The following KCNB2 variants were observed in gnomAD, a reference collection of about 807,000 sequenced individuals.
KCNB2 encodes delayed rectifier potassium channel protein.
In KCNB2, 15 loss-of-function variants were observed where a neutral mutation model predicts 61.5. The ratio of observed to expected loss-of-function variants is 0.24; its 90% CI spans 0.16 to 0.38. The LOEUF is 0.38. Ranked by LOEUF, KCNB2 falls within the 10% of genes least tolerant of loss-of-function variation. The pLI, the probability that KCNB2 is intolerant of heterozygous loss-of-function variation, is 1.00. For missense variants in KCNB2, 828 were observed against 1,125.2 expected (o/e 0.74, Z 3.78); for synonymous variants, 457 against 446.0 (o/e 1.02, Z -0.31).
chr8:72,841,602 A>G (rs1809888645), intron 2 of KCNB2, among the ~76,000 whole-genome samples: 1 of 151,864 alleles, frequency 6.6e-6, no homozygotes, highest in Non-Finnish European at 1.5e-5. Flanking sequence ...GTCCTCTCTT[A>G]TTTCCTTGGG....
At chr8:72,553,842 T>G (rs545934819) in intron 1 of KCNB2, among the ~76,000 whole-genome samples, 1 of 152,282 alleles carries the variant, frequency 6.6e-6, no homozygotes, top group South Asian at 2.1e-4. Context: ...TTGCAGGCAT[T>G]TTATAACATT....
At chr8:72,902,318 G>T (rs188584907) in intron 2 of KCNB2, among the ~76,000 whole-genome samples, 127 of 152,282 alleles carry the variant, frequency 8.3e-4, no homozygotes, top group Non-Finnish European at 1.6e-3. Flanking sequence ...AAAGATAGGT[G>T]TTGTGGATGG....
At chr8:72,597,546 AT>A (rs1807219390) in intron 2 of KCNB2, among the ~76,000 whole-genome samples, 1 of 152,212 alleles carries the variant, frequency 6.6e-6, no homozygotes, top group Admixed American at 6.5e-5. Flanking sequence ...TCACCATACC[AT>A]TATAGAAATT....
chr8:72,886,681 C>G (rs141542858), intron 2 of KCNB2, among the ~76,000 whole-genome samples: 15 of 152,360 alleles, frequency 9.8e-5, no homozygotes, highest in Admixed American at 5.9e-4. Context: ...GGCCTCGACA[C>G]TACGTAATTT....
chr8:72,857,667 G>A (rs1251222581), intron 2 of KCNB2, among the ~76,000 whole-genome samples: 1 of 151,932 alleles, frequency 6.6e-6, no homozygotes, highest in Non-Finnish European at 1.5e-5. Flanking sequence ...TGGAGAAGAA[G>A]AATGAAGAGT....
chr8:72,821,755 G>C, intron 2 of KCNB2, among the ~76,000 whole-genome samples: 1 of 151,280 alleles, frequency 6.6e-6, no homozygotes, highest in East Asian at 1.9e-4. Context: ...TCTATAAGCA[G>C]TCACAGGTAA....
At chr8:72,695,483 A>C (rs933366842) in intron 2 of KCNB2, among the ~76,000 whole-genome samples, 8 of 152,214 alleles carry the variant, frequency 5.3e-5, no homozygotes, top group Non-Finnish European at 8.8e-5. Context: ...TTATGTGACT[A>C]TGACAAATGC....
rs74574853 is a variant in KCNB2, at chr8:72,601,417, T to A, written c.579+33104T>A. ...CTTGTCATTTAGAGAAAGGGGAGAA[T>A]CATGAACCATCTGAGTTTAGAAAAG... On this transcript the variant is annotated intron_variant, in intron 2 of 2. Transcript: ENST00000523207. 5.2e-3 allele frequency among the ~76,000 whole-genome samples: 787 copies of A among 152,306 alleles called. 7 individuals are homozygous for A. The highest frequency in any genetic ancestry group is 0.018 in the African/African-American group (757 of 41,578).
intron 2 of KCNB2, among the ~76,000 whole-genome samples, chr8:72,820,892 C>T (rs1466458451): frequency 2.6e-5 from 4 of 152,104 alleles, no homozygotes; most frequent in Non-Finnish European, 1.5e-5. Flanking sequence ...TTCTTTCTTT[C>T]CTTTGAGGAT....
intron 2 of KCNB2, among the ~76,000 whole-genome samples, chr8:72,745,847 C>A (rs543178357): frequency 6.6e-6 from 1 of 152,254 alleles, no homozygotes; most frequent in South Asian, 2.1e-4. Context: ...CTTCCTGAGT[C>A]ACTTCATTTG....
At position 72,702,887 on chromosome 8, in the gene KCNB2, A is replaced by G. The variant is rs569017130; in HGVS notation, c.579+134574A>G. Among the ~76,000 whole-genome samples the G allele has an allele frequency of 2.0e-5, 3 of 151,478 alleles. No individual in the cohort carries two copies. The East Asian group carries it at 5.8e-4, about 29-fold the overall frequency. ...GTGTCCTATGGATTTCCAGGGATCC[A>G]CTCCCCGTGGCATGTCTTTCCATCT... On this transcript the variant is annotated intron_variant, in intron 2 of 2. Transcript: ENST00000523207.
At chr8:72,545,285 C>T (rs1182323581) in intron 1 of KCNB2, among the ~76,000 whole-genome samples, 2 of 152,026 alleles carry the variant, frequency 1.3e-5, no homozygotes, top group Non-Finnish European at 2.9e-5. Context: ...TTTTATGGTG[C>T]TTTGTTTTAT....
intron 2 of KCNB2, among the ~76,000 whole-genome samples, chr8:72,699,005 A>G (rs368955374): frequency 1.2e-4 from 19 of 152,292 alleles, no homozygotes; most frequent in African/African-American, 4.1e-4. Flanking sequence ...CTGACAAGTG[A>G]GACCTAATTA....
chr8:72,760,687 C>A (rs182359821), intron 2 of KCNB2, among the ~76,000 whole-genome samples: 1 of 152,310 alleles, frequency 6.6e-6, no homozygotes, highest in African/African-American at 2.4e-5. Context: ...AGGTATGGAG[C>A]TCACAGGCCT....
chr8:72,558,543 T>G (rs573765753), intron 1 of KCNB2, among the ~76,000 whole-genome samples: 135 of 152,238 alleles, frequency 8.9e-4, no homozygotes, highest in Non-Finnish European at 4.0e-4. Context: ...CATATTGAAT[T>G]TGGGGAATGG....
chr8:72,602,097 G>A (rs946499852), intron 2 of KCNB2, among the ~76,000 whole-genome samples: 4 of 152,166 alleles, frequency 2.6e-5, no homozygotes, highest in Non-Finnish European at 5.9e-5. Context: ...GAAAAGCTTT[G>A]TTATCATTCC....
At chr8:72,735,974 T>G (rs938249197) in intron 2 of KCNB2, among the ~76,000 whole-genome samples, 4 of 152,126 alleles carry the variant, frequency 2.6e-5, no homozygotes, top group Non-Finnish European at 4.4e-5. Flanking sequence ...GCTTAGAGAA[T>G]ACGGTATGGA....
At chr8:72,848,434 A>C (rs1370438264) in intron 2 of KCNB2, among the ~76,000 whole-genome samples, 2 of 152,016 alleles carry the variant, frequency 1.3e-5, no homozygotes, top group African/African-American at 4.8e-5. Flanking sequence ...ATTTGTAAAG[A>C]ATAATAATAA....
At chr8:72,803,833 G>A (rs974231163) in intron 2 of KCNB2, among the ~76,000 whole-genome samples, 2 of 152,188 alleles carry the variant, frequency 1.3e-5, no homozygotes, top group Non-Finnish European at 2.9e-5. Context: ...TGGGATAATG[G>A]GGTTGGAAGA....
Sources: allele counts gnomAD v4.1 joint callset (sites outside exome capture counted in the v4.1 genomes callset), GRCh38; gene constraint gnomAD v4.1.1; transcripts MANE v1.5; gene names NCBI Gene and HGNC (gene_info 2026-07-23, HGNC 2026-07-21).